Variants in STAB2 observed in about 807,000 individuals in gnomAD.
STAB2 encodes stabilin-2.
A neutral mutation model predicts 338.1 loss-of-function variants in STAB2; 288 were observed. The ratio of observed to expected loss-of-function variants is 0.85; its 90% CI spans 0.77 to 0.94. The LOEUF (loss-of-function observed/expected upper bound fraction) is 0.94, where lower values mean the gene tolerates loss of function less well. Among genes scored for constraint, STAB2 ranks in the 40% least tolerant of loss-of-function variants. STAB2 has a pLI of 0.00. For missense variants in STAB2, 3,141 were observed against 3,210.1 expected, an observed-to-expected ratio of 0.98 and a Z score of 0.52; for synonymous variants, 1,202 against 1,193.3, an observed-to-expected ratio of 1.01 and a Z score of -0.15.
Position 103,704,589 on chromosome 12 carries a change from C to A in STAB2, c.3875C>A (p.Thr1292Asn), listed in dbSNP as rs776368572. ...TGTAGGACATGCTCCTCAGAGCTGACCTGCCCATTCGGAACTAAATCTCTA... is the reference window on the plus strand; with the variant it reads ...TGTAGGACATGCTCCTCAGAGCTGAACTGCCCATTCGGAACTAAATCTCTA... The part of the protein sequence containing the change: ...GRCRTCSSEL[T>N]CPFGTKSLGN... The change falls in exon 36 of 69, where the codon ACC becomes AAC. Residue 1292 changes from threonine to asparagine, a missense_variant. By Grantham distance (65) the Thr-to-Asn change is moderately conservative. Coordinates refer to ENST00000388887, the MANE Select transcript of STAB2 (RefSeq NM_017564.10). 47 of 1,613,668 alleles carry A rather than the reference C, an allele frequency of 2.9e-5. No individual in the cohort carries two copies. The South Asian group carries it at 4.9e-4, about 17-fold the overall frequency.
chr12:103,688,302 TGGTAA>T (rs1267720519), intron 28 of STAB2, 87 bp downstream of exon 28: 11 of 1,295,798 alleles, frequency 8.5e-6, no homozygotes, highest in Admixed American at 5.1e-5. Context: ...AAAATGCAGC[TGGTAA>T]GGAGTGTAGG....
chr12:103,588,146 A>G (rs1956741550), intron 1 of STAB2, among the ~76,000 whole-genome samples: 1 of 152,230 alleles, frequency 6.6e-6, no homozygotes, highest in African/African-American at 2.4e-5. Context: ...GCTGTCAGTG[A>G]GACACCATGT....
chr12:103,615,501 T>A (rs1957196343), intron 3 of STAB2, among the ~76,000 whole-genome samples: 1 of 152,142 alleles, frequency 6.6e-6, no homozygotes, highest in African/African-American at 2.4e-5. Flanking sequence ...CCATGCTCAG[T>A]CATGGACTAG....
rs1884049321 is a variant in STAB2, at chr12:103,755,676, G to A, written c.6945G>A (p.Leu2315=). 1.2e-6 allele frequency: 2 copies of A among 1,614,174 alleles called. No homozygotes were observed. The highest frequency in any genetic ancestry group is 1.1e-5 in the South Asian group (1 of 91,086). The change falls in exon 63 of 69, where the codon CTG becomes CTA. Residue 2315 remains leucine (L), a synonymous_variant. Transcript: ENST00000388887. Reference sequence around the variant, plus strand: ...GCTTCTCATGCAGTGGGAACCTGCTGCAGGTCCTGATGTCCTTCCCCTCAC... The same window carrying A: ...GCTTCTCATGCAGTGGGAACCTGCTACAGGTCCTGATGTCCTTCCCCTCAC... The part of the protein sequence containing the change: ...GDGFSCSGNL[L]QVLMSFPSLT...
chr12:103,620,172 A>G (rs1403920740), intron 3 of STAB2, among the ~76,000 whole-genome samples: 1 of 152,196 alleles, frequency 6.6e-6, no homozygotes. Context: ...CAGCACCAAT[A>G]GCAACCACCC....
intron 54 of STAB2, among the ~76,000 whole-genome samples, chr12:103,740,332 A>C (rs951217735): frequency 6.6e-6 from 1 of 150,542 alleles, no homozygotes; most frequent in African/African-American, 2.5e-5. Flanking sequence ...CCTCCTTCCC[A>C]CTCCCTCCCC....
In STAB2 at chr12:103,594,463, A is replaced by C. The variant is rs377193192; in HGVS notation, c.284A>C (p.Tyr95Ser). The change falls in exon 3 of 69, where the codon TAT becomes TCT. Residue 95 changes from tyrosine to serine, a missense_variant. By Grantham distance (144) the Tyr-to-Ser change is moderately radical (BLOSUM62 -2). Coordinates refer to ENST00000388887, the MANE Select transcript of STAB2 (RefSeq NM_017564.10). ...PGCRHICRKD[Y>S]LQPRCCPGRW... ...TGCCGCCATATTTGTAGGAAGGACT[A>C]TCTCCAACCTCGGTGTTGTCCTGGC... 5 of 1,613,850 alleles carry C rather than the reference A, an allele frequency of 3.1e-6. No individual in the cohort carries two copies. Among genetic ancestry groups the C allele is most frequent in the Non-Finnish European group, 4.2e-6 (5 of 1,179,886 alleles).
intron 68 of STAB2, among the ~76,000 whole-genome samples, chr12:103,764,708 C>A (rs148310239): frequency 6.6e-6 from 1 of 152,222 alleles, no homozygotes; most frequent in African/African-American, 2.4e-5. Flanking sequence ...CCTGTGGTAA[C>A]AGATTTAATA....
chr12:103,665,262 A>T (rs1874975377), intron 18 of STAB2, among the ~76,000 whole-genome samples: 1 of 152,226 alleles, frequency 6.6e-6, no homozygotes, highest in Non-Finnish European at 1.5e-5. Context: ...TGGAAGTCTC[A>T]GTGTTTACCA....
Position 103,654,437 on chromosome 12 carries a change from A to G in STAB2, c.1408-118A>G, listed in dbSNP as rs546927968. ...CACTTTAGATTAAGTGACTTATCCAAAATCACATTGCCAATAAATATCAAA... is the reference window on the plus strand; with the variant it reads ...CACTTTAGATTAAGTGACTTATCCAGAATCACATTGCCAATAAATATCAAA... On this transcript the variant is annotated intron_variant, in intron 12 of 68. Transcript: ENST00000388887. 334 of 1,155,974 alleles carry G rather than the reference A, an allele frequency of 2.9e-4. 4 individuals carry two copies. The African/African-American group carries it at 4.8e-3, about 16-fold the overall frequency. 71.6% of individuals were successfully genotyped at this position (1,155,974 alleles called of 1,614,324 possible).
chr12:103,669,930 C>T (rs1236056107), intron 21 of STAB2, among the ~76,000 whole-genome samples: 1 of 152,194 alleles, frequency 6.6e-6, no homozygotes, highest in Non-Finnish European at 1.5e-5. Context: ...GGTTGACCTG[C>T]ATTGATCTTC....
chr12:103,684,882 C>A, intron 26 of STAB2, 107 bp from the exon 27 acceptor site: 1 of 990,466 alleles, frequency 1.0e-6, no homozygotes, highest in Non-Finnish European at 1.5e-6. Context: ...ATCTTTCAGC[C>A]CCAAATTTGC....
intron 52 of STAB2, among the ~76,000 whole-genome samples, 180 bp from the exon 53 acceptor site, chr12:103,737,454 A>T (rs61413598): frequency 0.12 from 17,735 of 152,170 alleles, 1,321 homozygotes; most frequent in South Asian, 0.2. Flanking sequence ...ACATAATACA[A>T]GCTGGGTATT....
In STAB2 at chr12:103,758,237, C is replaced by G. The variant is rs1413481273; in HGVS notation, c.7055C>G (p.Ser2352Cys). The G allele has an allele frequency of 6.2e-7, 1 of 1,614,012 alleles. No homozygotes were observed. The highest frequency in any genetic ancestry group is 8.5e-7 in the Non-Finnish European group (1 of 1,180,056). ...RAFLEHLTDL[S>C]IRGTLFVPQN... ...TTTCTAGAACACCTGACTGACCTGT[C>G]CATCCGCGGCACCCTCTTTGTGCCA... is the stretch of plus-strand genomic sequence containing the variant. Residue 2352 changes from serine (S) to cysteine (C), a missense_variant, in exon 64 of 69, where the codon TCC (serine) becomes TGC (cysteine). Ser to Cys is a moderately radical substitution (Grantham distance 112). Transcript: ENST00000388887.
chr12:103,707,802 CATT>C lies in STAB2; in HGVS notation c.4193-636_4193-634del, dbSNP rs200784787. On this transcript the variant is annotated intron_variant, in intron 38 of 68. Transcript: ENST00000388887. ...AGACAAAATTAATGTACAATTGAAT[CATT>C]ATAATTGGGCCATATAATATTTACT... 9.8e-3 allele frequency among the ~76,000 whole-genome samples: 1,495 copies of C among 152,292 alleles called. 22 individuals carry two copies. Among genetic ancestry groups the C allele is most frequent in the African/African-American group, 0.034 (1,426 of 41,548 alleles).
intron 31 of STAB2, among the ~76,000 whole-genome samples, 159 bp from the exon 32 acceptor site, chr12:103,695,391 C>A (rs1878306847): frequency 6.6e-6 from 1 of 152,206 alleles, no homozygotes; most frequent in Admixed American, 6.5e-5. Context: ...CATGCTGTAT[C>A]CTGGAATATT....
intron 22 of STAB2, among the ~76,000 whole-genome samples, chr12:103,671,639 G>A (rs76433274): frequency 0.017 from 2,649 of 152,256 alleles, 87 homozygotes; most frequent in African/African-American, 0.061. Context: ...AATGGAAACC[G>A]CTTGCCTTAG....
chr12:103,665,264 T>C (rs1184079969), intron 18 of STAB2, among the ~76,000 whole-genome samples: 2 of 152,198 alleles, frequency 1.3e-5, no homozygotes, highest in African/African-American at 4.8e-5. Context: ...GAAGTCTCAG[T>C]GTTTACCAGG....
chr12:103,602,278 T>C (rs1046461640), intron 3 of STAB2, among the ~76,000 whole-genome samples: 2 of 152,250 alleles, frequency 1.3e-5, no homozygotes, highest in East Asian at 1.9e-4. Context: ...GATGCATCCA[T>C]GTCATTACCT....
Sources: allele counts gnomAD v4.1 joint callset (sites outside exome capture counted in the v4.1 genomes callset), GRCh38; gene constraint gnomAD v4.1.1; transcripts MANE v1.5; gene names NCBI Gene and HGNC (gene_info 2026-07-23, HGNC 2026-07-21).